PLK4: variants seen among roughly 807,000 people sequenced by gnomAD.
PLK4 encodes the protein serine/threonine-protein kinase PLK4.
Under a neutral mutation model 103.0 loss-of-function variants are expected in PLK4, and 51 were observed. That is an observed-to-expected ratio of 0.50 (90% confidence interval 0.40 to 0.63). The LOEUF (loss-of-function observed/expected upper bound fraction) is 0.63, where lower values mean the gene tolerates loss of function less well. Among genes scored for constraint, PLK4 ranks in the 20% least tolerant of loss-of-function variants. The pLI, the probability that PLK4 is intolerant of heterozygous loss-of-function variation, is 0.00. For synonymous variants in PLK4, 389 were observed against 376.8 expected, an observed-to-expected ratio of 1.03 and a Z score of -0.38; for missense variants, 1,054 against 1,151.0, an observed-to-expected ratio of 0.92 and a Z score of 1.22.
chr4:127,887,631 A>G (rs561793535), intron 6 of PLK4, 135 bp downstream of exon 6: 1 of 620,722 alleles, frequency 1.6e-6, no homozygotes, highest in African/African-American at 1.9e-5. Context: ...TAATCCCAAC[A>G]CTTGTGAGGC....
At chr4:127,888,767 G>C (rs1422187339) in intron 6 of PLK4, among the ~76,000 whole-genome samples, 1 of 152,130 alleles carries the variant, frequency 6.6e-6, no homozygotes, top group African/African-American at 2.4e-5. Context: ...ATATGGAGAG[G>C]AGGAGATCAT....
At chr4:127,882,498 G>A (rs372755427) in intron 2 of PLK4, among the ~76,000 whole-genome samples, 4 of 152,026 alleles carry the variant, frequency 2.6e-5, no homozygotes, top group African/African-American at 7.3e-5. Context: ...GGTGGCTCAC[G>A]CCTGTAATCC....
At chr4:127,894,776 T>TG (rs1735499219) in intron 13 of PLK4, among the ~76,000 whole-genome samples, 177 bp from the exon 14 acceptor site, 1 of 151,616 alleles carries the variant, frequency 6.6e-6, no homozygotes, top group African/African-American at 2.4e-5. Context: ...TGCAGGAGGG[T>TG]GGGGGGTTCT....
In PLK4 at chr4:127,895,107, AG is replaced by A; in HGVS notation, c.2703+15del. 6.4e-7 allele frequency: 1 copy of A among 1,551,288 alleles called. No homozygotes were observed. Among genetic ancestry groups the A allele is most frequent in the Non-Finnish European group, 8.7e-7 (1 of 1,148,152 alleles). ...TGGGCTACACAGGTGAGAAGTTTCT[AG>A]TACAGTGCATTTTCTCAGTATGAAT... On this transcript the variant is annotated intron_variant, in intron 14 of 15. Coordinates refer to ENST00000270861, the MANE Select transcript of PLK4 (RefSeq NM_014264.5).
intron 14 of PLK4, among the ~76,000 whole-genome samples, chr4:127,895,516 G>A (rs1199598520): frequency 7.4e-6 from 1 of 135,056 alleles, no homozygotes; most frequent in African/African-American, 2.9e-5. Context: ...CCGCCTCCTG[G>A]GTTGACACCA....
Position 127,889,959 on chromosome 4 carries a change from C to T in PLK4, c.1553C>T (p.Ala518Val), listed in dbSNP as rs761258961. ...PDLQKDTSKN[A>V]WTDTKVKKNS... ...TTGCAGAAGGACACATCAAAAAATG[C>T]CTGGACTGATACAAAAGTCAAAAAG... Residue 518 changes from alanine (A) to valine (V), a missense_variant, in exon 7 of 16, where the codon GCC becomes GTC. Ala to Val is a moderately conservative substitution (Grantham distance 64). Around this residue, in one of 4 missense-constraint regions of PLK4, gnomAD observed 680 missense variants for 660.3 expected, o/e 1.03. Coordinates refer to ENST00000270861, the MANE Select transcript of PLK4 (RefSeq NM_014264.5). 9 of 1,613,864 alleles carry T rather than the reference C, an allele frequency of 5.6e-6. No individual in the cohort carries two copies.
intron 14 of PLK4, among the ~76,000 whole-genome samples, chr4:127,895,452 CTTTTTTTTTTTTTTTTTT>C (rs70966059): frequency 3.1e-5 from 2 of 65,204 alleles, no homozygotes; most frequent in African/African-American, 6.6e-5. Flanking sequence ...GAGTAACTTT[CTTTTTTTTTTTTTTTTTT>C]TTTTTTTTTT....
At position 127,890,713 on chromosome 4, in the gene PLK4, G is replaced by A. The variant is rs1735323998; in HGVS notation, c.1831-379G>A. On this transcript the variant is annotated intron_variant, in intron 7 of 15. Coordinates refer to ENST00000270861, the MANE Select transcript of PLK4 (RefSeq NM_014264.5). ...GTTTAGAGTTTAAAAATTATTGTATGTGAATTGAGAATGGTGTGTGTTTTT... is the reference window on the plus strand; with the variant it reads ...GTTTAGAGTTTAAAAATTATTGTATATGAATTGAGAATGGTGTGTGTTTTT... Among the ~76,000 whole-genome samples, 3 of 152,110 alleles carry A rather than the reference G, an allele frequency of 2.0e-5. No individual in the cohort carries two copies. The South Asian group carries it at 6.2e-4, about 31-fold the overall frequency.
intron 14 of PLK4, 137 bp from the exon 15 acceptor site, chr4:127,896,664 C>A: frequency 2.3e-6 from 1 of 441,958 alleles, no homozygotes; most frequent in Non-Finnish European, 4.1e-6. Context: ...TTTTTTTTAA[C>A]TGTGGAAAAC....
At position 127,880,985 on chromosome 4, in the gene PLK4, C is replaced by T; in HGVS notation, c.-150C>T. The T allele has an allele frequency of 1.2e-6, 1 of 833,818 alleles. No individual in the cohort carries two copies. The highest frequency in any genetic ancestry group is 1.9e-6 in the Non-Finnish European group (1 of 519,786). The allele number at this position is 833,818 out of a possible 1,614,324, so 51.7% of individuals were successfully genotyped here. A position where few individuals can be genotyped will look rare whatever the true frequency, so the allele number is the denominator to read the frequency against. ...AGGCCTCGGAAGGTGTCAGGGAGAA[C>T]TTTCCGTGGTTTCAGCGTCGTCGCC... On this transcript the variant is annotated 5_prime_UTR_variant, in exon 1 of 16. Coordinates refer to ENST00000270861, the MANE Select transcript of PLK4 (RefSeq NM_014264.5).
intron 7 of PLK4, 29 bp from the exon 8 acceptor site, chr4:127,891,063 T>TA: frequency 8.1e-7 from 1 of 1,239,372 alleles, no homozygotes; most frequent in South Asian, 1.3e-5. Flanking sequence ...AAAGAATTAT[T>TA]ACTGATTTTG....
intron 8 of PLK4, 34 bp from the exon 9 acceptor site, chr4:127,891,545 A>T (rs191673728): frequency 7.9e-6 from 7 of 887,050 alleles, no homozygotes; most frequent in East Asian, 2.6e-5. Flanking sequence ...ACTTAATGGC[A>T]TGTAATTAGA....
At chr4:127,890,379 G>T in intron 7 of PLK4, 143 bp downstream of exon 7, 1 of 512,304 alleles carries the variant, frequency 2.0e-6, no homozygotes, top group South Asian at 6.8e-5. Context: ...AAAGAGACTG[G>T]GTGTTTATGG....
At chr4:127,881,220 C>A (rs753056417) in intron 1 of PLK4, 56 bp downstream of exon 1, 11 of 1,612,014 alleles carry the variant, frequency 6.8e-6, no homozygotes, top group Admixed American at 1.7e-5. Flanking sequence ...TGGGAGGACA[C>A]GAGACCGCTG....
rs1735434800 is a variant in PLK4, at chr4:127,893,310, T to C, written c.2214T>C (p.Asp738=). 6.3e-7 allele frequency: 1 copy of C among 1,592,532 alleles called. No homozygotes were observed. The highest frequency in any genetic ancestry group is 8.6e-7 in the Non-Finnish European group (1 of 1,167,752). The change falls in exon 11 of 16, where the codon GAT becomes GAC. Residue 738 remains aspartate, a synonymous_variant. Coordinates refer to ENST00000270861, the MANE Select transcript of PLK4 (RefSeq NM_014264.5). The part of the protein sequence containing the change: ...YDGVKIHKTE[D]FIQVIEKTGK... ...GGGTAAAAATACACAAAACAGAAGA[T>C]TTCATTCAGGTGATTGAAAAGACAG... is the stretch of plus-strand genomic sequence containing the variant.
In PLK4 at chr4:127,891,130, T is replaced by C; in HGVS notation, c.1869T>C (p.Leu623=). 1 of 1,600,336 alleles carries C rather than the reference T, an allele frequency of 6.2e-7. No homozygotes were observed. Among genetic ancestry groups the C allele is most frequent in the Non-Finnish European group, 8.5e-7 (1 of 1,170,426 alleles). The change falls in exon 8 of 16, where the codon CTT becomes CTC. Residue 623 remains leucine, a synonymous_variant. Coordinates refer to ENST00000270861, the MANE Select transcript of PLK4 (RefSeq NM_014264.5). The stretch of plus-strand genomic sequence containing the variant: ...ATTCAGAGGAGGTGTGTGTGGAGCT[T>C]GTAAAGGAGTATGCATCTCAAGAAT... The part of the protein sequence containing the change: ...ILDSEEVCVE[L]VKEYASQEYV...
rs757272706 is a variant in PLK4 at position 127,896,808 on chromosome 4, G to C, written c.2711G>C (p.Ser904Thr). 1 of 1,594,316 alleles carries C rather than the reference G, an allele frequency of 6.3e-7. No individual in the cohort carries two copies. Among genetic ancestry groups the C allele is most frequent in the African/African-American group, 1.4e-5 (1 of 73,950 alleles). ...KNVGWATQLT[S>T]GAVWVQFNDG... ...TGCTTATTATTTTTCTAGTTAACTA[G>C]TGGAGCTGTGTGGGTTCAGTTTAAT... The change falls in exon 15 of 16, where the codon AGT becomes ACT. Residue 904 changes from serine (S) to threonine (T), a missense_variant. Ser to Thr is a moderately conservative substitution (Grantham distance 58). Coordinates refer to ENST00000270861, the MANE Select transcript of PLK4 (RefSeq NM_014264.5).
At chr4:127,894,067 C>G (rs527968771) in intron 13 of PLK4, among the ~76,000 whole-genome samples, 186 bp downstream of exon 13, 1 of 152,280 alleles carries the variant, frequency 6.6e-6, no homozygotes, top group Non-Finnish European at 1.5e-5. Flanking sequence ...TTAAACAAGT[C>G]AAAGGGCCTT....
At chr4:127,889,740 T>C in intron 6 of PLK4, 126 bp from the exon 7 acceptor site, 1 of 661,924 alleles carries the variant, frequency 1.5e-6, no homozygotes, top group East Asian at 2.7e-5. Context: ...GAGCTCTTAT[T>C]GTTTTGTTTT....
Sources: allele counts gnomAD v4.1 joint callset (sites outside exome capture counted in the v4.1 genomes callset), GRCh38; gene constraint gnomAD v4.1.1; regional missense constraint gnomAD v4.1.1; transcripts MANE v1.5; gene names NCBI Gene and HGNC (gene_info 2026-07-23, HGNC 2026-07-21).